The following EYS variants were observed in gnomAD, a reference collection of about 807,000 sequenced individuals.
EYS encodes protein eyes shut homolog.
In EYS, 250 loss-of-function variants were observed where a neutral mutation model predicts 282.1. The observed-to-expected ratio is 0.89, with a 90% confidence interval of 0.80 to 0.98. The LOEUF is 0.98. Ranked by LOEUF, EYS falls within the 50% of genes least tolerant of loss-of-function variation. The pLI is 0.00. For synonymous variants in EYS, 1,355 were observed against 1,282.9 expected (o/e 1.06, Z -1.20); for missense variants, 4,016 against 3,709.0 (o/e 1.08, Z -2.15).
At chr6:63,951,290 A>T (rs1009584469) in intron 35 of EYS, among the ~76,000 whole-genome samples, 2 of 152,120 alleles carry the variant, frequency 1.3e-5, no homozygotes, top group African/African-American at 4.8e-5. Context: ...CAATTTTTCC[A>T]AATATCCAAA....
At chr6:63,726,189 T>G (rs1282104816) in intron 42 of EYS, among the ~76,000 whole-genome samples, 1 of 152,184 alleles carries the variant, frequency 6.6e-6, no homozygotes, top group East Asian at 1.9e-4. Context: ...CAGCCATGCC[T>G]TCCTTTTAAA....
chr6:64,726,232 A>G (rs947449401), intron 22 of EYS, among the ~76,000 whole-genome samples: 6 of 152,030 alleles, frequency 3.9e-5, no homozygotes, highest in African/African-American at 1.4e-4. Flanking sequence ...CTCTTTTTCT[A>G]GAAATTCTAA....
rs140678828 is a variant in EYS at position 64,930,746 on chromosome 6, C to T, written c.2381+15047G>A. On this transcript the variant is annotated intron_variant, in intron 15 of 42. Transcript: ENST00000503581. ...ACAGTCATCTGGGAGCAAACCTTCACGTTGTCTGAAAGTCAGCTTTGTAGT... is the reference window on the plus strand; with the variant it reads ...ACAGTCATCTGGGAGCAAACCTTCATGTTGTCTGAAAGTCAGCTTTGTAGT... 2.9e-3 allele frequency among the ~76,000 whole-genome samples: 444 copies of T among 152,218 alleles called. 4 individuals are homozygous for T. The highest frequency in any genetic ancestry group is 0.012 in the South Asian group (57 of 4,832).
intron 13 of EYS, among the ~76,000 whole-genome samples, chr6:64,998,569 C>T (rs1024105066): frequency 2.0e-5 from 3 of 152,166 alleles, no homozygotes; most frequent in African/African-American, 7.2e-5. Context: ...GAGAACAGGG[C>T]AGTCATAGAC....
intron 1 of EYS, among the ~76,000 whole-genome samples, chr6:65,664,833 C>T (rs780185905): frequency 6.6e-6 from 1 of 152,054 alleles, no homozygotes; most frequent in Non-Finnish European, 1.5e-5. Context: ...ATCTGATCAC[C>T]ATATTTACTA....
chr6:63,733,107 A>G (rs1309956810), intron 41 of EYS, among the ~76,000 whole-genome samples: 1 of 152,056 alleles, frequency 6.6e-6, no homozygotes. Flanking sequence ...TACCATGATT[A>G]AAGAACAGGA....
intron 2 of EYS, among the ~76,000 whole-genome samples, chr6:65,561,091 T>A (rs986930525): frequency 1.3e-5 from 2 of 152,136 alleles, no homozygotes; most frequent in East Asian, 3.9e-4. Flanking sequence ...AATGAAAATG[T>A]GATTGGAAAG....
intron 36 of EYS, among the ~76,000 whole-genome samples, chr6:63,841,484 T>C (rs1771957503): frequency 6.6e-6 from 1 of 152,200 alleles, no homozygotes; most frequent in Non-Finnish European, 1.5e-5. Context: ...TTGTGAACTT[T>C]GGGATTAAAT....
In EYS at chr6:64,591,839, G is replaced by A; in HGVS notation, c.4028C>T (p.Ala1343Val). 1 of 1,551,284 alleles carries A rather than the reference G, an allele frequency of 6.4e-7. No homozygotes were observed. The highest frequency in any genetic ancestry group is 8.7e-7 in the Non-Finnish European group (1 of 1,146,714). ...LSAKHSLLSSADVSSSRFLNF... is the reference protein window; with the variant it reads ...LSAKHSLLSSVDVSSSRFLNF... ...CAGGAATCGAGAAGAGGAAACATCTGCGGAAGAAAGAAGACTGTGTTTTGC... is the reference window on the plus strand; with the variant it reads ...CAGGAATCGAGAAGAGGAAACATCTACGGAAGAAAGAAGACTGTGTTTTGC... Residue 1343 changes from alanine (A) to valine (V), a missense_variant, in exon 26 of 43, where the codon GCA (alanine) becomes GTA (valine). By Grantham distance (64) the Ala-to-Val change is moderately conservative (BLOSUM62 0). Coordinates refer to ENST00000503581, the MANE Select transcript of EYS (RefSeq NM_001142800.2).
intron 2 of EYS, among the ~76,000 whole-genome samples, chr6:65,516,755 CTCT>C (rs368745537): frequency 1.6e-4 from 25 of 152,178 alleles, no homozygotes; most frequent in African/African-American, 5.3e-4. Flanking sequence ...GTATTACTAA[CTCT>C]TCTTTTCTCC....
At chr6:65,169,658 G>A (rs138024532) in intron 12 of EYS, among the ~76,000 whole-genome samples, 1 of 151,304 alleles carries the variant, frequency 6.6e-6, no homozygotes, top group African/African-American at 2.4e-5. Context: ...ACTTTTAAAG[G>A]CAAAATTTTT....
chr6:64,707,814 C>G (rs1271626262), intron 22 of EYS, among the ~76,000 whole-genome samples: 1 of 151,866 alleles, frequency 6.6e-6, no homozygotes, highest in African/African-American at 2.4e-5. Context: ...AGAAAACTAA[C>G]TCTACATTAT....
At chr6:64,018,764 T>TC (rs1769020777) in intron 33 of EYS, among the ~76,000 whole-genome samples, 6 of 105,064 alleles carry the variant, frequency 5.7e-5, no homozygotes, top group Admixed American at 5.2e-4. Flanking sequence ...CAAGTGTTTT[T>TC]TTTTTTTTTT....
chr6:64,412,136 A>T (rs569166395), intron 28 of EYS, among the ~76,000 whole-genome samples: 1 of 151,954 alleles, frequency 6.6e-6, no homozygotes, highest in South Asian at 2.1e-4. Context: ...TGGCCAATAA[A>T]ATGTAATTAA....
intron 35 of EYS, among the ~76,000 whole-genome samples, chr6:63,928,323 G>A (rs1220214051): frequency 6.6e-6 from 1 of 152,124 alleles, no homozygotes; most frequent in African/African-American, 2.4e-5. Context: ...ATGCTATACT[G>A]ATTCATTCTT....
intron 41 of EYS, among the ~76,000 whole-genome samples, chr6:63,738,872 A>C (rs1298907943): frequency 6.6e-6 from 1 of 152,162 alleles, no homozygotes; most frequent in Admixed American, 6.6e-5. Flanking sequence ...ATCTCCACCC[A>C]CTAGCAGCAT....
intron 12 of EYS, among the ~76,000 whole-genome samples, chr6:65,261,893 C>T (rs925031102): frequency 2.6e-5 from 4 of 151,964 alleles, no homozygotes; most frequent in South Asian, 2.1e-4. Flanking sequence ...GAAAGCACCA[C>T]GATATTATTT....
chr6:63,846,191 A>G (rs1022982107), intron 36 of EYS, among the ~76,000 whole-genome samples: 79 of 152,224 alleles, frequency 5.2e-4, no homozygotes, highest in African/African-American at 1.7e-3. Context: ...AGGAAAAATC[A>G]ACTCTCCATA....
chr6:64,650,760 T>C (rs1000289218), intron 22 of EYS, among the ~76,000 whole-genome samples: 2 of 151,872 alleles, frequency 1.3e-5, no homozygotes, highest in African/African-American at 2.4e-5. Flanking sequence ...TCTCAGAACA[T>C]AGAAAAAAGG....
Sources: gnomAD v4.1 joint callset for allele counts (sites outside exome capture counted in the v4.1 genomes callset) on GRCh38, gnomAD v4.1.1 for gene constraint, MANE v1.5 for transcripts, NCBI Gene and HGNC (gene_info 2026-07-23, HGNC 2026-07-21) for gene names.